The following GRIP1 variants were observed in gnomAD, a reference collection of about 807,000 sequenced individuals.
The protein encoded by GRIP1 is glutamate receptor-interacting protein 1.
In GRIP1, 45 loss-of-function variants were observed where a neutral mutation model predicts 129.9. The observed-to-expected ratio is 0.35, with a 90% CI of 0.27 to 0.44. The LOEUF is 0.44. Among genes scored for constraint, GRIP1 ranks in the 20% least tolerant of loss-of-function variants. The probability of loss-of-function intolerance (pLI) is 1.00; values close to 1 mark genes in which losing one functional copy is unlikely to be tolerated. For missense variants in GRIP1, 1,196 were observed against 1,396.8 expected (o/e 0.86, Z 2.29); for synonymous variants, 530 against 520.8 (o/e 1.02, Z -0.24).
chr12:66,376,114 G>T (rs1023941821), intron 22 of GRIP1, among the ~76,000 whole-genome samples: 1 of 152,200 alleles, frequency 6.6e-6, no homozygotes, highest in Non-Finnish European at 1.5e-5. Flanking sequence ...CCATGTCCAG[G>T]ACCTTTAACT....
At chr12:66,977,196 CA>C (rs1214022455) in intron 1 of GRIP1, among the ~76,000 whole-genome samples, 1 of 147,772 alleles carries the variant, frequency 6.8e-6, no homozygotes, top group African/African-American at 2.6e-5. Context: ...AAGATTAGGT[CA>C]AACTTTTTTT....
At chr12:66,612,824 A>G (rs1252239382) in intron 1 of GRIP1, among the ~76,000 whole-genome samples, 5 of 152,086 alleles carry the variant, frequency 3.3e-5, no homozygotes, top group Non-Finnish European at 7.4e-5. Flanking sequence ...GATTCCATGG[A>G]CCCCTAGGGA....
chr12:66,525,327 C>T (rs1373318563), intron 5 of GRIP1, among the ~76,000 whole-genome samples: 1 of 152,146 alleles, frequency 6.6e-6, no homozygotes, highest in Non-Finnish European at 1.5e-5. Flanking sequence ...AAAAGCTTAT[C>T]CACCATGATC....
intron 1 of GRIP1, among the ~76,000 whole-genome samples, chr12:66,884,844 G>A (rs1747686106): frequency 6.6e-6 from 1 of 152,106 alleles, no homozygotes. Flanking sequence ...TGGCAATTTT[G>A]TCTCAAAATT....
chr12:66,517,915 T>G lies in GRIP1; in HGVS notation c.564A>C (p.Gly188=). ...RPVVITCVRP[G]GPADREGTIK... The stretch of plus-strand genomic sequence containing the variant: ...ATAAAGTTTACCTGTCAGCAGGCCC[T>G]CCAGGACGAACACATGTTATCACAA... Residue 188 remains glycine (G), a synonymous_variant, in exon 6 of 25, where the codon GGA becomes GGC. Coordinates refer to ENST00000359742, the MANE Select transcript of GRIP1 (RefSeq NM_001366722.1). 1 of 1,568,682 alleles carries G rather than the reference T, an allele frequency of 6.4e-7. No individual in the cohort carries two copies. The highest frequency in any genetic ancestry group is 8.8e-7 in the Non-Finnish European group (1 of 1,138,696).
At chr12:66,621,742 C>T (rs2065275693) in intron 1 of GRIP1, among the ~76,000 whole-genome samples, 1 of 152,140 alleles carries the variant, frequency 6.6e-6, no homozygotes, top group Admixed American at 6.6e-5. Context: ...AGTTTCTCCA[C>T]ATTCCTGCTA....
At chr12:66,523,563 C>A (rs541158609) in intron 5 of GRIP1, among the ~76,000 whole-genome samples, 1 of 151,676 alleles carries the variant, frequency 6.6e-6, no homozygotes, top group Non-Finnish European at 1.5e-5. Flanking sequence ...TGGTACCAGC[C>A]GCTGCAAAAA....
At chr12:66,460,405 C>T (rs2059101317) in intron 9 of GRIP1, among the ~76,000 whole-genome samples, 1 of 152,178 alleles carries the variant, frequency 6.6e-6, no homozygotes, top group African/African-American at 2.4e-5. Context: ...CACAGTGGTT[C>T]CAGGTTGCCC....
intron 1 of GRIP1, among the ~76,000 whole-genome samples, chr12:66,625,150 G>T (rs972777740): frequency 6.6e-6 from 1 of 152,046 alleles, no homozygotes; most frequent in African/African-American, 2.4e-5. Flanking sequence ...GGACAGATTT[G>T]GAGAAAGGTC....
chr12:66,431,604 T>A (rs2058150249), intron 14 of GRIP1, among the ~76,000 whole-genome samples: 1 of 152,202 alleles, frequency 6.6e-6, no homozygotes, highest in South Asian at 2.1e-4. Context: ...TCCAACAGAG[T>A]GCAGTGAGGC....
At chr12:66,677,550 T>C (rs957013583) in intron 1 of GRIP1, among the ~76,000 whole-genome samples, 5 of 152,164 alleles carry the variant, frequency 3.3e-5, no homozygotes, top group African/African-American at 9.7e-5. Context: ...TCTGTACCAA[T>C]TGTAGAGGAT....
chr12:66,424,542 A>T (rs899207203), intron 14 of GRIP1, among the ~76,000 whole-genome samples: 2 of 152,164 alleles, frequency 1.3e-5, no homozygotes, highest in Non-Finnish European at 2.9e-5. Flanking sequence ...TAGACCACTA[A>T]CATACTCATA....
intron 1 of GRIP1, among the ~76,000 whole-genome samples, chr12:66,821,055 C>G (rs372330069): frequency 9.5e-4 from 144 of 152,182 alleles, no homozygotes; most frequent in African/African-American, 3.4e-3. Flanking sequence ...AACAACTGTA[C>G]CACTTTGGTG....
chr12:67,059,068 G>A (rs2043486745), intron 1 of GRIP1, among the ~76,000 whole-genome samples: 1 of 152,160 alleles, frequency 6.6e-6, no homozygotes, highest in African/African-American at 2.4e-5. Context: ...CCCCCTATGT[G>A]GCACATGCCA....
At chr12:66,991,075 A>G (rs1182899768) in intron 1 of GRIP1, among the ~76,000 whole-genome samples, 1 of 152,122 alleles carries the variant, frequency 6.6e-6, no homozygotes, top group Admixed American at 6.6e-5. Context: ...AGACGAGACC[A>G]TCCTGGCTAA....
chr12:66,863,860 C>T (rs1422548120), intron 1 of GRIP1, among the ~76,000 whole-genome samples: 1 of 152,060 alleles, frequency 6.6e-6, no homozygotes, highest in African/African-American at 2.4e-5. Context: ...CCTCACAGAC[C>T]CATAGCAGTT....
chr12:66,812,468 GTTCA>G (rs1336420385), intron 1 of GRIP1, among the ~76,000 whole-genome samples: 1 of 152,062 alleles, frequency 6.6e-6, no homozygotes, highest in African/African-American at 2.4e-5. Flanking sequence ...CATTTATCTG[GTTCA>G]TTCGTCTGTT....
intron 1 of GRIP1, among the ~76,000 whole-genome samples, chr12:66,989,224 T>C (rs1169191439): frequency 6.6e-6 from 1 of 152,246 alleles, no homozygotes; most frequent in Non-Finnish European, 1.5e-5. Context: ...TCTGATACTC[T>C]TGTGTGTAAA....
chr12:66,780,355 T>A (rs889280539), intron 1 of GRIP1, among the ~76,000 whole-genome samples: 7 of 152,122 alleles, frequency 4.6e-5, no homozygotes, highest in Non-Finnish European at 1.0e-4. Context: ...GTAACAGTGG[T>A]TGAAAATACC....
Sources: gnomAD v4.1 joint callset for allele counts (sites outside exome capture counted in the v4.1 genomes callset) on GRCh38, gnomAD v4.1.1 for gene constraint, MANE v1.5 for transcripts, NCBI Gene and HGNC (gene_info 2026-07-23, HGNC 2026-07-21) for gene names.